CYP46A1: variants seen among roughly 807,000 people sequenced by gnomAD.
CYP46A1 encodes cholesterol 24-hydroxylase.
CYP46A1 carries 20 observed loss-of-function variants against 63.3 expected under a neutral mutation model. The ratio of observed to expected loss-of-function variants is 0.32; its 90% CI spans 0.22 to 0.46. The LOEUF (loss-of-function observed/expected upper bound fraction) is 0.46, where lower values mean the gene tolerates loss of function less well. Among genes scored for constraint, CYP46A1 ranks in the 20% least tolerant of loss-of-function variants. The pLI is 1.00. For synonymous variants in CYP46A1, 268 were observed against 273.6 expected (o/e 0.98, Z 0.20); for missense variants, 445 against 670.8 (o/e 0.66, Z 3.72).
intron 14 of CYP46A1, 55 bp from the exon 15 acceptor site, chr14:99,726,502 C>G (rs535122422): frequency 1.4e-5 from 20 of 1,454,966 alleles, no homozygotes; most frequent in Non-Finnish European, 1.8e-5. Flanking sequence ...CTCATTCACT[C>G]ACTCATTCTG....
intron 11 of CYP46A1, 60 bp downstream of exon 11, chr14:99,721,383 C>A: frequency 1.7e-6 from 2 of 1,180,760 alleles, no homozygotes; most frequent in African/African-American, 1.5e-5. Flanking sequence ...ATCATGCCTG[C>A]TTCCTCCCTG....
chr14:99,717,230 A>C (rs1185071281), intron 9 of CYP46A1, among the ~76,000 whole-genome samples: 1 of 152,116 alleles, frequency 6.6e-6, no homozygotes, highest in Non-Finnish European at 1.5e-5. Flanking sequence ...GCTTCTATCC[A>C]GCCTTCCAGA....
In CYP46A1 at chr14:99,699,532, G is replaced by A; in HGVS notation, c.349G>A (p.Gly117Ser). The part of the protein sequence containing the change: ...KMYRALQTVF[G>S]ERLFGQGLVS... The stretch of plus-strand genomic sequence containing the variant: ...GTACCGTGCGCTCCAGACTGTGTTT[G>A]GTGAGAGGTAAGGAGGTATGGTGGA... Residue 117 changes from glycine (G) to serine (S), a missense_variant, in exon 4 of 15, where the codon GGT (glycine) becomes AGT (serine). Transcript: ENST00000261835. 6.2e-7 allele frequency: 1 copy of A among 1,614,138 alleles called. No homozygotes were observed. The highest frequency in any genetic ancestry group is 8.5e-7 in the Non-Finnish European group (1 of 1,180,026).
intron 3 of CYP46A1, chr14:99,695,395 C>T (rs776481117): frequency 3.5e-5 from 14 of 403,988 alleles, no homozygotes; most frequent in Non-Finnish European, 6.4e-5. Flanking sequence ...AATGTTGAAC[C>T]CTTCATAATC....
chr14:99,685,356 A>C, intron 1 of CYP46A1, among the ~76,000 whole-genome samples: 1 of 103,150 alleles, frequency 9.7e-6, no homozygotes, highest in South Asian at 4.1e-4. Flanking sequence ...TCCTTTTCTC[A>C]AGCCTGGGCC....
In CYP46A1 at chr14:99,715,450, C is replaced by T. The variant is rs115447025; in HGVS notation, c.694-360C>T. ...GAGCTTGCAGCCGCCAATGCCGCCC[C>T]GTCTTTTTGGCAGTTGATCGCACTC... On this transcript the variant is annotated intron_variant, in intron 7 of 14. Transcript: ENST00000261835. Among the ~76,000 whole-genome samples, 1,411 of 152,244 alleles carry T rather than the reference C, an allele frequency of 9.3e-3. 19 individuals carry two copies. Among genetic ancestry groups the T allele is most frequent in the African/African-American group, 0.032 (1,340 of 41,532 alleles).
intron 5 of CYP46A1, among the ~76,000 whole-genome samples, chr14:99,702,016 G>C (rs867486106): frequency 6.9e-6 from 1 of 145,772 alleles, no homozygotes; most frequent in Non-Finnish European, 1.5e-5. Context: ...GTTGAAGTGA[G>C]CTGAGATCAC....
intron 10 of CYP46A1, among the ~76,000 whole-genome samples, chr14:99,718,632 C>G (rs1396435667): frequency 7.2e-5 from 11 of 152,026 alleles, no homozygotes; most frequent in Non-Finnish European, 1.5e-5. Context: ...CATTGGTTTC[C>G]TTAAATACAA....
At chr14:99,721,911 G>A (rs767791569) in intron 11 of CYP46A1, 45 bp from the exon 12 acceptor site, 1 of 1,517,806 alleles carries the variant, frequency 6.6e-7, no homozygotes, top group Non-Finnish European at 9.1e-7. Flanking sequence ...ATGATCTGTG[G>A]CCTCTCCCGA....
At position 99,725,580 on chromosome 14, in the gene CYP46A1, C is replaced by G. The variant is rs1595211100; in HGVS notation, c.1265+101C>G. On this transcript the variant is annotated intron_variant, in intron 13 of 14. Transcript: ENST00000261835. This position sits in a 1 kb window ranked among gnomAD's most constrained non-coding sequence, Gnocchi z 4.2. Reference sequence around the variant, plus strand: ...AGAGGCACCCACTCAGCCCACATAGCCTTCCAGATCCCTGTGAGGTGGTTG... The same window carrying G: ...AGAGGCACCCACTCAGCCCACATAGGCTTCCAGATCCCTGTGAGGTGGTTG... 2.5e-6 allele frequency: 2 copies of G among 794,650 alleles called. No homozygotes were observed. Among genetic ancestry groups the G allele is most frequent in the Non-Finnish European group, 4.3e-6 (2 of 466,162 alleles). The allele number at this position is 794,650 out of a possible 1,614,324, so 49.2% of individuals were successfully genotyped here.
In CYP46A1 at chr14:99,726,848, C is replaced by G; in HGVS notation, c.*121C>G. 1 of 824,698 alleles carries G rather than the reference C, an allele frequency of 1.2e-6. No individual in the cohort carries two copies. The highest frequency in any genetic ancestry group is 1.8e-6 in the Non-Finnish European group (1 of 569,852). The allele number at this position is 824,698 out of a possible 1,614,324, so 51.1% of individuals were successfully genotyped here. Reference sequence around the variant, plus strand: ...CCTGGGCCACCCTTCACGCTGGCTTCCAGCGGGCCCTCTGCCGACCGCCTG... The same window carrying G: ...CCTGGGCCACCCTTCACGCTGGCTTGCAGCGGGCCCTCTGCCGACCGCCTG... On this transcript the variant is annotated 3_prime_UTR_variant, in exon 15 of 15. Coordinates refer to ENST00000261835, the MANE Select transcript of CYP46A1 (RefSeq NM_006668.2).
rs1213851526 is a variant in CYP46A1 at position 99,700,003 on chromosome 14, T to C, written c.357-12T>C. The C allele has an allele frequency of 9.2e-7, 1 of 1,083,702 alleles. No homozygotes were observed. Among genetic ancestry groups the C allele is most frequent in the African/African-American group, 1.8e-5 (1 of 54,168 alleles). 67.1% of individuals were successfully genotyped at this position (1,083,702 alleles called of 1,614,324 possible). ...CACCCTCTTTCCCGCATCACGTGTG[T>C]GTCTCCTACAGACTCTTCGGCCAAG... On this transcript the variant is annotated splice_polypyrimidine_tract_variant and intron_variant, in intron 4 of 14. Transcript: ENST00000261835.
Position 99,691,865 on chromosome 14 carries a change from G to A in CYP46A1, c.282+4G>A. Reference sequence around the variant, plus strand: ...CACGAGTCCTGAGTCGGTTAAGGTAGGAGGAAGAGTGGTTTCCATGAGGGA... The same window carrying A: ...CACGAGTCCTGAGTCGGTTAAGGTAAGAGGAAGAGTGGTTTCCATGAGGGA... On this transcript the variant is annotated splice_donor_region_variant and intron_variant, in intron 3 of 14. Coordinates refer to ENST00000261835, the MANE Select transcript of CYP46A1 (RefSeq NM_006668.2). 3 of 1,614,160 alleles carry A rather than the reference G, an allele frequency of 1.9e-6. No homozygotes were observed. The highest frequency in any genetic ancestry group is 2.2e-5 in the South Asian group (2 of 91,082).
At chr14:99,709,414 A>T (rs972434912) in intron 7 of CYP46A1, 1 of 152,214 alleles carries the variant, frequency 6.6e-6, no homozygotes, top group Non-Finnish European at 1.5e-5. Flanking sequence ...TAAAAATATA[A>T]TTGAAAACTT....
chr14:99,689,555 C>T (rs569147953), intron 1 of CYP46A1, among the ~76,000 whole-genome samples: 1 of 152,256 alleles, frequency 6.6e-6, no homozygotes, highest in Admixed American at 6.5e-5. Flanking sequence ...AGGGGGTGGG[C>T]ACGGTGGCTC....
chr14:99,690,489 T>A (rs760003026), intron 1 of CYP46A1, among the ~76,000 whole-genome samples: 1 of 152,152 alleles, frequency 6.6e-6, no homozygotes, highest in Non-Finnish European at 1.5e-5. Flanking sequence ...AGGAATAAAG[T>A]CATACAGGAG....
At chr14:99,694,985 T>C (rs545025411) in intron 3 of CYP46A1, among the ~76,000 whole-genome samples, 12 of 152,354 alleles carry the variant, frequency 7.9e-5, no homozygotes, top group South Asian at 2.1e-4. Flanking sequence ...AATTTTGATA[T>C]GTTTTATTTT....
intron 1 of CYP46A1, among the ~76,000 whole-genome samples, chr14:99,686,119 C>T (rs1029420459): frequency 6.6e-6 from 1 of 152,152 alleles, no homozygotes; most frequent in Non-Finnish European, 1.5e-5. Flanking sequence ...GCATAGTAGA[C>T]ACTCTATGAA....
At chr14:99,699,031 T>C (rs910338033) in intron 3 of CYP46A1, among the ~76,000 whole-genome samples, 14 of 152,136 alleles carry the variant, frequency 9.2e-5, no homozygotes, top group Admixed American at 7.9e-4. Flanking sequence ...ACTGCCCGGC[T>C]TGAGTGCATG....
Sources: gnomAD v4.1 joint callset for allele counts (sites outside exome capture counted in the v4.1 genomes callset) on GRCh38, gnomAD v4.1.1 for gene constraint, Gnocchi (gnomAD v3.1) non-coding constraint, MANE v1.5 for transcripts, NCBI Gene and HGNC (gene_info 2026-07-23, HGNC 2026-07-21) for gene names.